Variants in TTC7A observed in about 807,000 individuals in gnomAD.
TTC7A encodes tetratricopeptide repeat protein 7A.
TTC7A carries 110 observed loss-of-function variants against 103.7 expected under a neutral mutation model. The observed-to-expected ratio is 1.06, with a 90% CI of 0.91 to 1.24. The LOEUF (loss-of-function observed/expected upper bound fraction) is 1.24. TTC7A is among the 50% of genes most tolerant of loss of function. The probability of loss-of-function intolerance (pLI) is 0.00; values close to 1 mark genes in which losing one functional copy is unlikely to be tolerated. For missense variants in TTC7A, 1,340 were observed against 1,116.3 expected, an observed-to-expected ratio of 1.20 and a Z score of -2.86; for synonymous variants, 521 against 467.9, an observed-to-expected ratio of 1.11 and a Z score of -1.47.
chr2:47,005,200 G>A (rs566740895), intron 8 of TTC7A, among the ~76,000 whole-genome samples: 275 of 152,272 alleles, frequency 1.8e-3, no homozygotes, highest in Middle Eastern at 6.8e-3. Context: ...AAGGAGCCAG[G>A]AGAGGGTCCG....
chr2:47,038,444 G>T (rs1426445706), intron 15 of TTC7A, among the ~76,000 whole-genome samples: 1 of 152,166 alleles, frequency 6.6e-6, no homozygotes, highest in East Asian at 1.9e-4. Context: ...CAAGGAATTA[G>T]ACTTTCCAGA....
chr2:46,943,715 C>T (rs960731312), intron 1 of TTC7A, among the ~76,000 whole-genome samples: 4 of 152,178 alleles, frequency 2.6e-5, no homozygotes, highest in African/African-American at 9.7e-5. Context: ...GATGCAGACT[C>T]CCCTGCAGCC....
At chr2:46,951,919 G>A (rs969905368) in intron 2 of TTC7A, among the ~76,000 whole-genome samples, 4 of 152,204 alleles carry the variant, frequency 2.6e-5, no homozygotes, top group African/African-American at 9.6e-5. Context: ...ACCGTGATAG[G>A]AGTGCTATCC....
In TTC7A at chr2:46,980,972, A is replaced by G. The variant is rs1674393409; in HGVS notation, c.764+2065A>G. Among the ~76,000 whole-genome samples, 6 of 152,316 alleles carry G rather than the reference A, an allele frequency of 3.9e-5. No individual in the cohort carries two copies. In the South Asian group the frequency reaches 1.2e-3, roughly 32 times the overall value. On this transcript the variant is annotated intron_variant, in intron 5 of 19. Coordinates refer to ENST00000319190, the MANE Select transcript of TTC7A (RefSeq NM_020458.4). ...TATGCGGAAGGCATGCGGAGCGTCC[A>G]GGGCCCCTCTGGGTGCACCACTGCC...
intron 11 of TTC7A, among the ~76,000 whole-genome samples, chr2:47,013,601 G>A (rs1678309881): frequency 6.6e-6 from 1 of 152,186 alleles, no homozygotes; most frequent in Non-Finnish European, 1.5e-5. Flanking sequence ...GGCCGCCCTT[G>A]CCAGGAAGCC....
chr2:46,988,095 C>T (rs565815483), intron 5 of TTC7A, among the ~76,000 whole-genome samples: 1 of 152,298 alleles, frequency 6.6e-6, no homozygotes, highest in South Asian at 2.1e-4. Context: ...TGCTCTGTGT[C>T]ATGCTTTGGG....
intron 5 of TTC7A, among the ~76,000 whole-genome samples, chr2:46,983,752 T>C (rs1374412723): frequency 6.6e-6 from 1 of 152,228 alleles, no homozygotes; most frequent in Non-Finnish European, 1.5e-5. Context: ...GTAGCTGCAT[T>C]TGGGACCTTA....
chr2:47,056,926 C>T (rs1683371919), intron 18 of TTC7A, among the ~76,000 whole-genome samples: 1 of 152,194 alleles, frequency 6.6e-6, no homozygotes, highest in African/African-American at 2.4e-5. Flanking sequence ...CCATCCAGCC[C>T]CGTGTGCTGG....
chr2:47,038,287 C>G (rs1339158215), intron 15 of TTC7A, among the ~76,000 whole-genome samples: 1 of 151,368 alleles, frequency 6.6e-6, no homozygotes, highest in Non-Finnish European at 1.5e-5. Flanking sequence ...AAGAAAAAAG[C>G]TGAGGCTCTG....
At chr2:47,001,384 C>T (rs547266394) in intron 8 of TTC7A, among the ~76,000 whole-genome samples, 63 of 152,244 alleles carry the variant, frequency 4.1e-4, no homozygotes, top group Admixed American at 3.1e-3. Context: ...CCAGACTGGC[C>T]GACTGAGGGA....
chr2:46,975,465 C>G (rs1251543493), intron 4 of TTC7A, among the ~76,000 whole-genome samples: 1 of 151,804 alleles, frequency 6.6e-6, no homozygotes, highest in Non-Finnish European at 1.5e-5. Context: ...AAGCTCCTCC[C>G]TGGATCCTGT....
chr2:46,954,084 T>C (rs1327827443), intron 2 of TTC7A, among the ~76,000 whole-genome samples: 1 of 152,148 alleles, frequency 6.6e-6, no homozygotes, highest in Non-Finnish European at 1.5e-5. Flanking sequence ...GGGGTGGAAA[T>C]AAAATAATGA....
At chr2:46,998,798 G>T (rs1558557406) in intron 8 of TTC7A, among the ~76,000 whole-genome samples, 1 of 152,120 alleles carries the variant, frequency 6.6e-6, no homozygotes, top group African/African-American at 2.4e-5. Context: ...TGTGGTGTGG[G>T]GCTGCTACCT....
At chr2:47,068,880 AAAAAAAAG>A (rs552798408) in intron 19 of TTC7A, among the ~76,000 whole-genome samples, 34,893 of 112,412 alleles carry the variant, frequency 0.31, 4,278 homozygotes, top group Middle Eastern at 0.43. Context: ...AAAAAAAAAA[AAAAAAAAG>A]AAAGACTCAC....
chr2:46,943,241 T>C (rs1670612024), intron 1 of TTC7A, among the ~76,000 whole-genome samples: 2 of 151,986 alleles, frequency 1.3e-5, no homozygotes, highest in African/African-American at 4.8e-5. Flanking sequence ...ACAACCCTAT[T>C]AGGAGGGCAG....
intron 19 of TTC7A, chr2:47,066,193 CG>C (rs1684166394): frequency 6.6e-6 from 1 of 152,198 alleles, no homozygotes; most frequent in Non-Finnish European, 1.5e-5. Flanking sequence ...GACAGAGTGA[CG>C]ATGAATGATT....
rs80347294 is a variant in TTC7A at position 47,064,883 on chromosome 2, G to T, written c.2355+3912G>T. On this transcript the variant is annotated intron_variant, in intron 19 of 19. Transcript: ENST00000319190. ...CCTCTACCTTTCTGAGTTCTTAGCT[G>T]GGACCTTGGTAACAGGAGACAGATT... is the stretch of plus-strand genomic sequence containing the variant. Among the ~76,000 whole-genome samples the T allele has an allele frequency of 4.1e-3, 620 of 152,324 alleles. 6 individuals carry two copies. Among genetic ancestry groups the T allele is most frequent in the Middle Eastern group, 6.8e-3 (2 of 294 alleles).
chr2:47,046,770 C>T (rs560141652), intron 16 of TTC7A: 30 of 283,450 alleles, frequency 1.1e-4, no homozygotes, highest in Non-Finnish European at 1.7e-4. Context: ...ATTTTATTCC[C>T]AGCCCAGTGA....
At chr2:47,069,852 C>T (rs566632119) in intron 19 of TTC7A, among the ~76,000 whole-genome samples, 18 of 152,368 alleles carry the variant, frequency 1.2e-4, no homozygotes, top group African/African-American at 4.1e-4. Context: ...TCCCCAAACG[C>T]AGGCTCCAGG....
Sources: gnomAD v4.1 joint callset for allele counts (sites outside exome capture counted in the v4.1 genomes callset) on GRCh38, gnomAD v4.1.1 for gene constraint, MANE v1.5 for transcripts, NCBI Gene and HGNC (gene_info 2026-07-23, HGNC 2026-07-21) for gene names.